The following DDX60L variants were observed in gnomAD, a reference collection of about 807,000 sequenced individuals.
DDX60L encodes the protein probable ATP-dependent RNA helicase DDX60-like.
In DDX60L, 191 loss-of-function variants were observed where a neutral mutation model predicts 211.6. That is an observed-to-expected ratio of 0.90 (90% CI 0.80 to 1.02). The LOEUF (loss-of-function observed/expected upper bound fraction) is 1.02, where lower values mean the gene tolerates loss of function less well. DDX60L is among the 50% of genes least tolerant of loss of function. The pLI, the probability that DDX60L is intolerant of heterozygous loss-of-function variation, is 0.00. For synonymous variants in DDX60L, 706 were observed against 694.1 expected (o/e 1.02, Z -0.27); for missense variants, 2,007 against 1,984.1 (o/e 1.01, Z -0.22).
Position 168,448,660 on chromosome 4 carries a change from G to C in DDX60L, c.1116C>G (p.Tyr372Ter). The C allele has an allele frequency of 6.4e-7, 1 of 1,567,978 alleles. No homozygotes were observed. Among genetic ancestry groups the C allele is most frequent in the Non-Finnish European group, 8.7e-7 (1 of 1,145,766 alleles). The change falls in exon 9 of 38, where the codon TAC (tyrosine) becomes TAG (stop). Residue 372 changes from tyrosine to a stop codon, truncating the protein, a stop_gained. Coordinates refer to ENST00000682922, the MANE Select transcript of DDX60L (RefSeq NM_001012967.3). LOFTEE classifies it high-confidence loss of function. ...DEQLLKNIAF[Y>*]YEFESTQEPH... ...TACCTTGAGTACTTTCAAATTCATA[G>C]TAGAAGGCTATATTCTTTAACAATT...
intron 9 of DDX60L, among the ~76,000 whole-genome samples, chr4:168,448,164 C>G (rs1440002884): frequency 6.6e-6 from 1 of 152,104 alleles, no homozygotes; most frequent in Non-Finnish European, 1.5e-5. Context: ...GTCCAAAAAA[C>G]TTCAATAATG....
intron 4 of DDX60L, among the ~76,000 whole-genome samples, chr4:168,463,467 G>C (rs1240423178): frequency 6.6e-6 from 1 of 152,032 alleles, no homozygotes; most frequent in Non-Finnish European, 1.5e-5. Context: ...AGGTGGGAGA[G>C]TATCAGGAAA....
chr4:168,465,881 G>A (rs1310726722), intron 4 of DDX60L, among the ~76,000 whole-genome samples: 1 of 152,188 alleles, frequency 6.6e-6, no homozygotes, highest in East Asian at 1.9e-4. Context: ...GTACCATGCT[G>A]TTTGGGTTAC....
In DDX60L at chr4:168,431,099, G is replaced by A. The variant is rs371896716; in HGVS notation, c.1517-461C>T. Among the ~76,000 whole-genome samples the A allele has an allele frequency of 4.6e-5, 7 of 152,162 alleles. No homozygotes were observed. In the South Asian group the frequency reaches 1.2e-3, roughly 27 times the overall value. ...CTTTCAGAAAAAGTTTGTTGACTCC[G>A]GACCTAAAACATTCTGTTTGCACTC... On this transcript the variant is annotated intron_variant, in intron 12 of 37. Transcript: ENST00000682922.
intron 35 of DDX60L, 130 bp downstream of exon 35, chr4:168,373,536 T>C: frequency 1.1e-6 from 1 of 931,110 alleles, no homozygotes; most frequent in South Asian, 1.7e-5. Flanking sequence ...TTCATTCTCT[T>C]AGACAATGAT....
At chr4:168,433,727 A>C (rs1267655440) in intron 10 of DDX60L, among the ~76,000 whole-genome samples, 3 of 152,198 alleles carry the variant, frequency 2.0e-5, no homozygotes, top group Non-Finnish European at 4.4e-5. Context: ...TCCTTTTGCC[A>C]ATGTATCCAC....
intron 33 of DDX60L, among the ~76,000 whole-genome samples, chr4:168,377,094 C>A (rs1742092944): frequency 6.6e-6 from 1 of 152,020 alleles, no homozygotes; most frequent in African/African-American, 2.4e-5. Flanking sequence ...AGTTTAAAAC[C>A]AACCTGGCCA....
intron 1 of DDX60L, among the ~76,000 whole-genome samples, chr4:168,477,281 G>A (rs1388732521): frequency 2.6e-5 from 4 of 152,076 alleles, no homozygotes; most frequent in South Asian, 2.1e-4. Flanking sequence ...CGGGCGTGGT[G>A]GCAGGCGCCT....
chr4:168,446,964 G>A, intron 9 of DDX60L, among the ~76,000 whole-genome samples: 1 of 122,128 alleles, frequency 8.2e-6, no homozygotes, highest in African/African-American at 3.1e-5. Flanking sequence ...TCAGGACATA[G>A]GCATGGGCAA....
rs58320088 is a variant in DDX60L, at chr4:168,477,300, G to A, written c.-111+3077C>T. On this transcript the variant is annotated intron_variant, in intron 1 of 37. Transcript: ENST00000682922. Reference sequence around the variant, plus strand: ...CGTGGTGGCAGGCGCCTGTAGTCCCGGCTACTCAGGAGGCTGAGGCAGGAG... The same window carrying A: ...CGTGGTGGCAGGCGCCTGTAGTCCCAGCTACTCAGGAGGCTGAGGCAGGAG... Among the ~76,000 whole-genome samples, 418 of 151,776 alleles carry A rather than the reference G, an allele frequency of 2.8e-3. 5 individuals are homozygous for A. Among genetic ancestry groups the A allele is most frequent in the East Asian group, 0.019 (95 of 5,134 alleles).
At chr4:168,393,251 T>G (rs1320982034) in intron 28 of DDX60L, among the ~76,000 whole-genome samples, 1 of 152,106 alleles carries the variant, frequency 6.6e-6, no homozygotes, top group East Asian at 1.9e-4. Context: ...ATACCAGCAT[T>G]TCGGGAGGCT....
chr4:168,365,826 T>C (rs998353600), intron 36 of DDX60L, among the ~76,000 whole-genome samples: 1 of 152,044 alleles, frequency 6.6e-6, no homozygotes, highest in Non-Finnish European at 1.5e-5. Flanking sequence ...TGTCATTCAA[T>C]AAGATCAAGG....
chr4:168,461,971 GA>G lies in DDX60L; in HGVS notation c.333del (p.Gln112AsnfsTer32), dbSNP rs1283659784. Reference sequence around the variant, plus strand: ...TGCACATCAATGTTAGTATTGTGTTGAAGGTGGAGAATTAAAGCGGTCCTCA... The same window carrying G: ...TGCACATCAATGTTAGTATTGTGTTGAGGTGGAGAATTAAAGCGGTCCTCA... ...LSLRTALILHLQHNTNIDVQT... is the reference protein window; with the variant it reads ...LSLRTALILHXQHNTNIDVQT... On this transcript the variant is annotated frameshift_variant, in exon 5 of 38. Transcript: ENST00000682922. LOFTEE classifies it high-confidence loss of function. 2 of 1,613,456 alleles carry G rather than the reference GA, an allele frequency of 1.2e-6. No individual in the cohort carries two copies. Among genetic ancestry groups the G allele is most frequent in the Non-Finnish European group, 1.7e-6 (2 of 1,179,664 alleles).
Position 168,471,942 on chromosome 4 carries a change from A to G in DDX60L, c.75-6T>C. 1.9e-6 allele frequency: 3 copies of G among 1,562,928 alleles called. No individual in the cohort carries two copies. The highest frequency in any genetic ancestry group is 2.6e-6 in the Non-Finnish European group (3 of 1,155,712). ...CATTTAATATGCTGGAATACCTAAA[A>G]TAAAAATCAAAGAGAATAAAAATCA... is the stretch of plus-strand genomic sequence containing the variant. On this transcript the variant is annotated splice_region_variant and splice_polypyrimidine_tract_variant and intron_variant, in intron 3 of 37. Coordinates refer to ENST00000682922, the MANE Select transcript of DDX60L (RefSeq NM_001012967.3).
intron 30 of DDX60L, among the ~76,000 whole-genome samples, chr4:168,383,858 A>G (rs1743383977): frequency 6.6e-6 from 1 of 152,214 alleles, no homozygotes; most frequent in South Asian, 2.1e-4. Flanking sequence ...TGAAGCATTC[A>G]AAGTATTGAT....
intron 19 of DDX60L, among the ~76,000 whole-genome samples, chr4:168,418,455 T>C (rs1334793870): frequency 6.6e-6 from 1 of 152,216 alleles, no homozygotes; most frequent in Non-Finnish European, 1.5e-5. Flanking sequence ...ATCAAGGTTT[T>C]TGTTTTGTTT....
chr4:168,419,289 A>C lies in DDX60L; in HGVS notation c.2610+13T>G. On this transcript the variant is annotated intron_variant, in intron 19 of 37. Coordinates refer to ENST00000682922, the MANE Select transcript of DDX60L (RefSeq NM_001012967.3). ...GACTAGAACATCAACCAGAGAACTA[A>C]CACCAAACCTACCTCATCAAATATA... 1 of 1,571,062 alleles carries C rather than the reference A, an allele frequency of 6.4e-7. No individual in the cohort carries two copies. Among genetic ancestry groups the C allele is most frequent in the Admixed American group, 1.8e-5 (1 of 55,406 alleles).
intron 37 of DDX60L, 76 bp from the exon 38 acceptor site, chr4:168,358,352 C>A: frequency 8.8e-7 from 1 of 1,131,694 alleles, no homozygotes; most frequent in Non-Finnish European, 1.2e-6. Context: ...AAAAGGTTAG[C>A]AGAAGTAATT....
At chr4:168,443,051 A>G (rs1268068595) in intron 9 of DDX60L, among the ~76,000 whole-genome samples, 1 of 152,078 alleles carries the variant, frequency 6.6e-6, no homozygotes, top group East Asian at 1.9e-4. Flanking sequence ...AGCTGAGAGA[A>G]GAAGGCTTCA....
Sources: gnomAD v4.1 joint callset for allele counts (sites outside exome capture counted in the v4.1 genomes callset) on GRCh38, gnomAD v4.1.1 for gene constraint, MANE v1.5 for transcripts, NCBI Gene and HGNC (gene_info 2026-07-23, HGNC 2026-07-21) for gene names.